MOB3B: variants seen among roughly 807,000 people sequenced by gnomAD.
MOB3B encodes MOB kinase activator 3B, also known as MOB kinase activator-like 2B.
MOB3B carries 7 observed loss-of-function variants against 18.7 expected under a neutral mutation model. The observed-to-expected ratio is 0.37, with a 90% confidence interval of 0.21 to 0.70. The LOEUF is 0.70. Ranked by LOEUF, MOB3B falls within the 30% of genes least tolerant of loss-of-function variation. MOB3B has a pLI of 0.52. For missense variants in MOB3B, 253 were observed against 281.3 expected (o/e 0.90, Z 0.72); for synonymous variants, 111 against 99.9 (o/e 1.11, Z -0.66).
At chr9:27,491,136 G>A (rs960024804) in intron 1 of MOB3B, among the ~76,000 whole-genome samples, 4 of 152,114 alleles carry the variant, frequency 2.6e-5, no homozygotes, top group Non-Finnish European at 5.9e-5. Context: ...TAATTATGTA[G>A]TTTGGTTAAA....
rs374004457 is a variant in MOB3B, at chr9:27,490,090, G to T, written c.-198-34342C>A. Among the ~76,000 whole-genome samples the T allele has an allele frequency of 3.9e-5, 6 of 152,184 alleles. No individual in the cohort carries two copies. In the South Asian group the frequency reaches 1.2e-3, roughly 32 times the overall value. On this transcript the variant is annotated intron_variant, in intron 1 of 3. Coordinates refer to ENST00000262244, the MANE Select transcript of MOB3B (RefSeq NM_024761.5). Reference sequence around the variant, plus strand: ...TTCCCCTCTGCATTGCACACACAAAGCATCACCTGGCTGGGCCTCTTGTTC... The same window carrying T: ...TTCCCCTCTGCATTGCACACACAAATCATCACCTGGCTGGGCCTCTTGTTC...
At chr9:27,493,025 A>G (rs1819844126) in intron 1 of MOB3B, among the ~76,000 whole-genome samples, 1 of 152,236 alleles carries the variant, frequency 6.6e-6, no homozygotes, top group African/African-American at 2.4e-5. Context: ...ACACTTGGCA[A>G]GCAATAGACA....
chr9:27,500,389 C>G (rs542311152), intron 1 of MOB3B, among the ~76,000 whole-genome samples: 7 of 152,166 alleles, frequency 4.6e-5, no homozygotes, highest in Admixed American at 2.6e-4. Flanking sequence ...AGTACTGATA[C>G]CAAAACAGAG....
At chr9:27,520,614 G>A (rs187401529) in intron 1 of MOB3B, among the ~76,000 whole-genome samples, 22 of 152,356 alleles carry the variant, frequency 1.4e-4, no homozygotes, top group African/African-American at 4.6e-4. Context: ...ACAAGTGTGT[G>A]TATGTTTGTG....
chr9:27,422,827 C>A (rs533390387), intron 2 of MOB3B, among the ~76,000 whole-genome samples: 1 of 152,248 alleles, frequency 6.6e-6, no homozygotes, highest in East Asian at 1.9e-4. Context: ...TAAATGTACA[C>A]ATAAACATTT....
intron 1 of MOB3B, among the ~76,000 whole-genome samples, chr9:27,511,586 G>GT (rs200785823): frequency 6.8e-4 from 103 of 152,162 alleles, no homozygotes; most frequent in East Asian, 2.7e-3. Context: ...AGGAAAGTAT[G>GT]TTTTTTTTAA....
chr9:27,369,724 G>A (rs913111757), intron 2 of MOB3B, among the ~76,000 whole-genome samples: 3 of 152,148 alleles, frequency 2.0e-5, no homozygotes, highest in African/African-American at 7.2e-5. Flanking sequence ...GCTTCTGGGC[G>A]TTGCTACATA....
At chr9:27,502,837 T>C (rs927776259) in intron 1 of MOB3B, among the ~76,000 whole-genome samples, 2 of 152,216 alleles carry the variant, frequency 1.3e-5, no homozygotes, top group Non-Finnish European at 2.9e-5. Flanking sequence ...CACAGGAAAG[T>C]AGGCAGGAAT....
At chr9:27,509,240 C>T (rs1820101447) in intron 1 of MOB3B, among the ~76,000 whole-genome samples, 1 of 151,842 alleles carries the variant, frequency 6.6e-6, no homozygotes, top group Non-Finnish European at 1.5e-5. Context: ...AGTTCCAATG[C>T]CAAGCCTTAG....
chr9:27,483,573 G>A (rs1819694896), intron 1 of MOB3B, among the ~76,000 whole-genome samples: 1 of 152,148 alleles, frequency 6.6e-6, no homozygotes, highest in Admixed American at 6.5e-5. Flanking sequence ...TGACTGCATA[G>A]CTCCTGAGAA....
Position 27,487,766 on chromosome 9 carries a change from G to T in MOB3B, c.-198-32018C>A, listed in dbSNP as rs938083542. On this transcript the variant is annotated intron_variant, in intron 1 of 3. Transcript: ENST00000262244. ...TTAAAATGACTCAACTATTTCCATA[G>T]ATTCTTCATGTACATCTTTCTCACC... 6.6e-5 allele frequency among the ~76,000 whole-genome samples: 10 copies of T among 152,236 alleles called. No individual in the cohort carries two copies. In the East Asian group the frequency reaches 1.9e-3, roughly 29 times the overall value.
chr9:27,478,941 A>G (rs998644938), intron 1 of MOB3B, among the ~76,000 whole-genome samples: 2 of 152,088 alleles, frequency 1.3e-5, no homozygotes, highest in African/African-American at 2.4e-5. Context: ...AATAATGGCA[A>G]TTAGATTGGT....
At chr9:27,351,456 A>G (rs2131348481) in intron 3 of MOB3B, among the ~76,000 whole-genome samples, 1 of 152,376 alleles carries the variant, frequency 6.6e-6, no homozygotes, top group Non-Finnish European at 1.5e-5. Context: ...TGGTAGCATA[A>G]TAGTGGAAAT....
intron 1 of MOB3B, among the ~76,000 whole-genome samples, chr9:27,494,926 C>T (rs1819874538): frequency 6.6e-6 from 1 of 152,164 alleles, no homozygotes; most frequent in Non-Finnish European, 1.5e-5. Flanking sequence ...TATGATTCAA[C>T]AGGTCTGGTT....
chr9:27,400,151 A>G (rs930616395), intron 2 of MOB3B, among the ~76,000 whole-genome samples: 1 of 152,252 alleles, frequency 6.6e-6, no homozygotes, highest in Non-Finnish European at 1.5e-5. Context: ...AAGCCTTTAT[A>G]TTGTTTGGAC....
chr9:27,343,854 T>A (rs1820993344), intron 3 of MOB3B, among the ~76,000 whole-genome samples: 1 of 152,148 alleles, frequency 6.6e-6, no homozygotes. Flanking sequence ...GATATCCTTT[T>A]ACTTCACGTA....
intron 2 of MOB3B, among the ~76,000 whole-genome samples, chr9:27,415,596 AG>A (rs1181009900): frequency 6.6e-6 from 1 of 152,216 alleles, no homozygotes; most frequent in Non-Finnish European, 1.5e-5. Context: ...AAAATAAATG[AG>A]AGGCACTTAC....
At chr9:27,511,049 C>G (rs952550401) in intron 1 of MOB3B, among the ~76,000 whole-genome samples, 6 of 151,996 alleles carry the variant, frequency 3.9e-5, no homozygotes, top group African/African-American at 1.4e-4. Flanking sequence ...CTAAACTGAC[C>G]GCATGGAGAG....
At position 27,325,946 on chromosome 9, in the gene MOB3B, C is replaced by T. The variant is rs1296031456; in HGVS notation, c.*4641G>A. ...AAGATAAGTGTAATTCTATTCAAGT[C>T]CCTTAATGTTTTGCCAATTAAGGTT... On this transcript the variant is annotated 3_prime_UTR_variant, in exon 4 of 4. Coordinates refer to ENST00000262244, the MANE Select transcript of MOB3B (RefSeq NM_024761.5). The T allele has an allele frequency of 1.3e-5, 2 of 150,282 alleles. No individual in the cohort carries two copies. The highest frequency in any genetic ancestry group is 2.9e-5 in the Non-Finnish European group (2 of 67,846). 9.3% of individuals were successfully genotyped at this position (150,282 alleles called of 1,614,324 possible).
Sources: gnomAD v4.1 joint callset for allele counts (sites outside exome capture counted in the v4.1 genomes callset) on GRCh38, gnomAD v4.1.1 for gene constraint, MANE v1.5 for transcripts, NCBI Gene and HGNC (gene_info 2026-07-23, HGNC 2026-07-21) for gene names.